The following QTMAN variants were observed in gnomAD, a reference collection of about 807,000 sequenced individuals.
QTMAN encodes the protein queuosine-tRNA mannosyltransferase.
the QTMAN span, among the ~76,000 whole-genome samples, chr2:144,013,769 C>A: frequency 1.3e-5 from 2 of 152,110 alleles, no homozygotes; most frequent in Admixed American, 6.6e-5. Context: ...GATCTAAGGC[C>A]TTGGGTGATT....
the QTMAN span, among the ~76,000 whole-genome samples, chr2:144,330,353 G>A: frequency 1.3e-5 from 2 of 152,178 alleles, no homozygotes; most frequent in Admixed American, 6.5e-5. Context: ...GCTATACCAT[G>A]TAGGTTTGTG....
chr2:144,254,281 G>T, the QTMAN span, among the ~76,000 whole-genome samples: 1 of 152,168 alleles, frequency 6.6e-6, no homozygotes, highest in Non-Finnish European at 1.5e-5. Context: ...AATTAGTTGG[G>T]TGTGGTTGTG....
the QTMAN span, among the ~76,000 whole-genome samples, chr2:144,252,194 C>G: frequency 6.6e-6 from 1 of 152,042 alleles, no homozygotes; most frequent in African/African-American, 2.4e-5. Context: ...AAGCAAGACC[C>G]TGTCTCTACA....
At chr2:144,182,806 A>AT in the QTMAN span, among the ~76,000 whole-genome samples, 41 of 14,092 alleles carry the variant, frequency 2.9e-3, 1 homozygote, top group Non-Finnish European at 0.013. Context: ...TATTATATAT[A>AT]TAATATATAT....
At chr2:144,124,308 T>A in the QTMAN span, among the ~76,000 whole-genome samples, 1 of 152,174 alleles carries the variant, frequency 6.6e-6, no homozygotes, top group African/African-American at 2.4e-5. Flanking sequence ...GGTGTCATCA[T>A]TCATTTGAAA....
At chr2:144,105,965 A>G in the QTMAN span, among the ~76,000 whole-genome samples, 10 of 152,218 alleles carry the variant, frequency 6.6e-5, no homozygotes, top group African/African-American at 2.4e-4. Flanking sequence ...ATTTTTAAAG[A>G]AAATAATTTT....
the QTMAN span, among the ~76,000 whole-genome samples, chr2:144,222,303 C>A: frequency 1.3e-5 from 2 of 151,840 alleles, no homozygotes; most frequent in Non-Finnish European, 2.9e-5. Flanking sequence ...TCATGGTCCG[C>A]CTGCCTCGGC....
chr2:144,232,489 T>C, the QTMAN span, among the ~76,000 whole-genome samples: 1 of 152,210 alleles, frequency 6.6e-6, no homozygotes, highest in Non-Finnish European at 1.5e-5. Flanking sequence ...ACTGTTTACT[T>C]CCTTTTCAGT....
the QTMAN span, among the ~76,000 whole-genome samples, chr2:144,188,974 A>T: frequency 5.9e-5 from 9 of 152,252 alleles, no homozygotes; most frequent in South Asian, 4.1e-4. Flanking sequence ...ATAGCCGGCA[A>T]GTAAAACAAA....
At chr2:144,115,157 G>A in the QTMAN span, among the ~76,000 whole-genome samples, 1 of 151,236 alleles carries the variant, frequency 6.6e-6, no homozygotes, top group African/African-American at 2.4e-5. Context: ...CTTGAACCCA[G>A]GAGGCGGAGG....
chr2:144,300,166 G>C, the QTMAN span, among the ~76,000 whole-genome samples: 12 of 152,182 alleles, frequency 7.9e-5, no homozygotes, highest in Non-Finnish European at 1.6e-4. Flanking sequence ...AAGGTGAAAA[G>C]CTTTGGATAA....
At chr2:143,984,168 C>A in the QTMAN span, among the ~76,000 whole-genome samples, 1 of 152,150 alleles carries the variant, frequency 6.6e-6, no homozygotes, top group South Asian at 2.1e-4. Context: ...AGAAAAGTGA[C>A]AACTGAAATT....
At chr2:144,103,227 A>G in the QTMAN span, among the ~76,000 whole-genome samples, 1 of 152,214 alleles carries the variant, frequency 6.6e-6, no homozygotes, top group African/African-American at 2.4e-5. Flanking sequence ...AGTGTATTAG[A>G]TAACTGGCTG....
At chr2:144,187,801 T>C in the QTMAN span, among the ~76,000 whole-genome samples, 1 of 152,200 alleles carries the variant, frequency 6.6e-6, no homozygotes, top group African/African-American at 2.4e-5. Context: ...ATGCAAGTCC[T>C]AACCCATAGT....
the QTMAN span, among the ~76,000 whole-genome samples, chr2:144,231,886 GTGTGTGTT>G: frequency 7.3e-6 from 1 of 136,902 alleles, no homozygotes; most frequent in Non-Finnish European, 1.6e-5. Context: ...GTGTGTGTGT[GTGTGTGTT>G]ATCTTTACTC....
chr2:144,196,003 A>G, the QTMAN span, among the ~76,000 whole-genome samples: 1 of 152,182 alleles, frequency 6.6e-6, no homozygotes. Context: ...GTTTCCTAGC[A>G]GTGATCCTCT....
At chr2:144,279,318 G>A in the QTMAN span, among the ~76,000 whole-genome samples, 21 of 142,504 alleles carry the variant, frequency 1.5e-4, 1 homozygote, top group Non-Finnish European at 3.2e-4. Context: ...GACCCACCCC[G>A]CTTCCCTCAC....
the QTMAN span, chr2:144,005,721 A>G: frequency 2.0e-5 from 3 of 152,280 alleles, no homozygotes; most frequent in African/African-American, 7.2e-5. Flanking sequence ...ATTAAATTAA[A>G]GCAAAAATAT....
At chr2:144,065,665 T>C in the QTMAN span, among the ~76,000 whole-genome samples, 2 of 152,188 alleles carry the variant, frequency 1.3e-5, no homozygotes, top group Non-Finnish European at 2.9e-5. Context: ...GCCCATATCT[T>C]TGTAAGAAGT....
Sources: allele counts gnomAD v4.1 joint callset (sites outside exome capture counted in the v4.1 genomes callset), GRCh38; gene constraint gnomAD v4.1.1; transcripts MANE v1.5; gene names NCBI Gene and HGNC (gene_info 2026-07-23, HGNC 2026-07-21).